The following PCSK1 variants were observed in gnomAD, a reference collection of about 807,000 sequenced individuals.
PCSK1 encodes proprotein convertase subtilisin/kexin type 1, also known as neuroendocrine convertase 1.
A neutral mutation model predicts 90.6 loss-of-function variants in PCSK1; 56 were observed. That is an observed-to-expected ratio of 0.62 (90% CI 0.50 to 0.77). PCSK1 has a LOEUF of 0.77. PCSK1 is among the 30% of genes least tolerant of loss of function. The pLI is 0.00. For synonymous variants in PCSK1, 348 were observed against 342.4 expected, an observed-to-expected ratio of 1.02 and a Z score of -0.18; for missense variants, 801 against 932.6, an observed-to-expected ratio of 0.86 and a Z score of 1.84.
intron 9 of PCSK1, 79 bp downstream of exon 9, chr5:96,408,144 G>T: frequency 1.0e-6 from 1 of 995,860 alleles, no homozygotes; most frequent in Non-Finnish European, 1.6e-6. Context: ...CTGTAACCAT[G>T]TATTCAGAAA....
chr5:96,392,780 G>A lies in PCSK1; in HGVS notation c.*221C>T, dbSNP rs1759989406. ...ACAAAACACTTCACTTGTGCAGACA[G>A]GAAAGATGTGTTTTGAAATACCTAT... On this transcript the variant is annotated 3_prime_UTR_variant, in exon 14 of 14. Transcript: ENST00000311106. 4 of 594,824 alleles carry A rather than the reference G, an allele frequency of 6.7e-6. No homozygotes were observed. Among genetic ancestry groups the A allele is most frequent in the Admixed American group, 5.9e-5 (2 of 34,068 alleles). The allele number at this position is 594,824 out of a possible 1,614,324, so 36.8% of individuals were successfully genotyped here. A position where few individuals can be genotyped will look rare whatever the true frequency, so the allele number is the denominator to read the frequency against.
At chr5:96,402,603 C>G (rs1253107791) in intron 9 of PCSK1, among the ~76,000 whole-genome samples, 1 of 152,172 alleles carries the variant, frequency 6.6e-6, no homozygotes. Context: ...TGAGATGACC[C>G]TCAAGTCTGT....
At chr5:96,425,034 A>AAG (rs1290297562) in intron 3 of PCSK1, among the ~76,000 whole-genome samples, 2 of 141,452 alleles carry the variant, frequency 1.4e-5, no homozygotes, top group Admixed American at 6.9e-5. Context: ...GAAAGAAAGA[A>AAG]AGAAAGAAAG....
At position 96,425,928 on chromosome 5, in the gene PCSK1, C is replaced by T; in HGVS notation, c.288G>A (p.Val96=). 1 of 1,589,944 alleles carries T rather than the reference C, an allele frequency of 6.3e-7. No homozygotes were observed. Among genetic ancestry groups the T allele is most frequent in the Non-Finnish European group, 8.6e-7 (1 of 1,158,664 alleles). ...TTTCATACTGTTGTTCAGCCCATAT[C>T]ACCTACAAGGATTTTTATAGCAAGA... ...ITKRLSDDDR[V]IWAEQQYEKE... The change falls in exon 3 of 14, where the codon GTG becomes GTA. Residue 96 remains valine, a splice_region_variant and synonymous_variant. Coordinates refer to ENST00000311106, the MANE Select transcript of PCSK1 (RefSeq NM_000439.5).
intron 2 of PCSK1, 151 bp downstream of exon 2, chr5:96,429,062 T>C: frequency 1.7e-6 from 1 of 586,290 alleles, no homozygotes; most frequent in South Asian, 2.2e-5. Flanking sequence ...ATTATAATTT[T>C]ATGGAAAGAA....
chr5:96,414,020 T>C (rs1291933424), intron 6 of PCSK1, among the ~76,000 whole-genome samples: 2 of 141,372 alleles, frequency 1.4e-5, no homozygotes, highest in African/African-American at 5.4e-5. Flanking sequence ...GTTCCTGTAG[T>C]CCTAGCTACT....
intron 11 of PCSK1, among the ~76,000 whole-genome samples, chr5:96,398,508 T>A (rs144031641): frequency 6.4e-4 from 98 of 152,324 alleles, no homozygotes; most frequent in African/African-American, 2.3e-3. Flanking sequence ...AATGGACTCC[T>A]TGTATGTTTC....
chr5:96,422,117 A>C (rs1761150097), intron 4 of PCSK1, among the ~76,000 whole-genome samples, 161 bp from the exon 5 acceptor site: 1 of 150,904 alleles, frequency 6.6e-6, no homozygotes, highest in Non-Finnish European at 1.5e-5. Flanking sequence ...CTGAATATTT[A>C]TTTTACTCAC....
At chr5:96,426,385 A>G (rs776188151) in intron 2 of PCSK1, among the ~76,000 whole-genome samples, 2 of 152,198 alleles carry the variant, frequency 1.3e-5, no homozygotes, top group African/African-American at 2.4e-5. Flanking sequence ...CAACAGGTAG[A>G]AATTGCAAAT....
chr5:96,397,530 GC>G, intron 11 of PCSK1, 61 bp from the exon 12 acceptor site: 1 of 1,433,794 alleles, frequency 7.0e-7, no homozygotes, highest in African/African-American at 1.4e-5. Context: ...ATACACTCTA[GC>G]ATCTGATAAC....
At chr5:96,427,502 A>G (rs1242965436) in intron 2 of PCSK1, among the ~76,000 whole-genome samples, 1 of 152,190 alleles carries the variant, frequency 6.6e-6, no homozygotes, top group Non-Finnish European at 1.5e-5. Context: ...TTCCTAAAAT[A>G]AAATTATTCT....
At chr5:96,416,656 A>T (rs1760946529) in intron 5 of PCSK1, among the ~76,000 whole-genome samples, 1 of 152,180 alleles carries the variant, frequency 6.6e-6, no homozygotes, top group South Asian at 2.1e-4. Flanking sequence ...TCCTCTAAAT[A>T]TATGCCACAC....
chr5:96,425,067 A>G (rs974264350), intron 3 of PCSK1, among the ~76,000 whole-genome samples: 29 of 146,982 alleles, frequency 2.0e-4, no homozygotes, highest in Admixed American at 2.0e-3. Context: ...AAAGAAAGAA[A>G]GAAAGAAAAC....
chr5:96,394,948 A>G lies in PCSK1; in HGVS notation c.1800T>C (p.His600=). 1 of 1,614,108 alleles carries G rather than the reference A, an allele frequency of 6.2e-7. No individual in the cohort carries two copies. Among genetic ancestry groups the G allele is most frequent in the East Asian group, 2.2e-5 (1 of 44,876 alleles). Residue 600 remains histidine, a synonymous_variant, in exon 13 of 14, where the codon CAT becomes CAC. Coordinates refer to ENST00000311106, the MANE Select transcript of PCSK1 (RefSeq NM_000439.5). The stretch of plus-strand genomic sequence containing the variant: ...ACGTGTACACACGAGGCTGCTTCAT[A>G]TGCTCTGGCTGAGAAGAGGTCCCGT... The part of the protein sequence containing the change: ...ILHGTSSQPE[H]MKQPRVYTSY...
chr5:96,392,805 T>C lies in PCSK1; in HGVS notation c.*196A>G. 3.1e-6 allele frequency: 2 copies of C among 643,336 alleles called. No homozygotes were observed. The highest frequency in any genetic ancestry group is 5.5e-6 in the Non-Finnish European group (2 of 362,730). 39.9% of individuals were successfully genotyped at this position (643,336 alleles called of 1,614,324 possible). On this transcript the variant is annotated 3_prime_UTR_variant, in exon 14 of 14. Transcript: ENST00000311106. ...GGAAAGATGTGTTTTGAAATACCTA[T>C]GATCAATTCTGGAAGTTGAACTTCC...
chr5:96,413,985 A>C (rs917377747), intron 6 of PCSK1, among the ~76,000 whole-genome samples: 1 of 148,596 alleles, frequency 6.7e-6, no homozygotes, highest in African/African-American at 2.5e-5. Flanking sequence ...AAAAAAAAAA[A>C]AAAATTAGCC....
intron 5 of PCSK1, among the ~76,000 whole-genome samples, chr5:96,420,642 G>T (rs913102874): frequency 1.3e-5 from 2 of 150,428 alleles, no homozygotes; most frequent in East Asian, 2.0e-4. Flanking sequence ...CCTGGGGTTT[G>T]TTGGCTTTCT....
intron 9 of PCSK1, among the ~76,000 whole-genome samples, chr5:96,401,913 A>G (rs766498432): frequency 6.6e-5 from 10 of 152,190 alleles, no homozygotes; most frequent in Non-Finnish European, 1.2e-4. Flanking sequence ...AGCCCCAAAT[A>G]TAATTTTAAA....
intron 13 of PCSK1, among the ~76,000 whole-genome samples, chr5:96,394,407 A>T (rs138437560): frequency 1.1e-4 from 16 of 152,158 alleles, no homozygotes; most frequent in African/African-American, 3.6e-4. Context: ...TGAATTAATA[A>T]AAAGAAGCCT....
Sources: gnomAD v4.1 joint callset for allele counts (sites outside exome capture counted in the v4.1 genomes callset) on GRCh38, gnomAD v4.1.1 for gene constraint, MANE v1.5 for transcripts, NCBI Gene and HGNC (gene_info 2026-07-23, HGNC 2026-07-21) for gene names.